Variants in GRIN2A observed in about 807,000 individuals in gnomAD.
GRIN2A encodes the protein glutamate receptor ionotropic, NMDA 2A.
In GRIN2A, 22 loss-of-function variants were observed where a neutral mutation model predicts 113.4. The observed-to-expected ratio is 0.19, with a 90% CI of 0.14 to 0.28. The LOEUF (loss-of-function observed/expected upper bound fraction) is 0.28. Among genes scored for constraint, GRIN2A ranks in the 10% least tolerant of loss-of-function variants. The pLI is 1.00. For missense variants in GRIN2A, 1,502 were observed against 1,887.0 expected (o/e 0.80, Z 3.78); for synonymous variants, 827 against 738.4 (o/e 1.12, Z -1.94).
chr16:10,146,072 G>A (rs766526593), intron 2 of GRIN2A, among the ~76,000 whole-genome samples: 34 of 152,176 alleles, frequency 2.2e-4, no homozygotes, highest in Non-Finnish European at 4.3e-4. Flanking sequence ...ATAAAAGGAA[G>A]ACAGGAACAA....
intron 9 of GRIN2A, among the ~76,000 whole-genome samples, chr16:9,827,527 T>C (rs1452170206): frequency 6.6e-6 from 1 of 152,234 alleles, no homozygotes; most frequent in Non-Finnish European, 1.5e-5. Context: ...CTTAAAGTTT[T>C]TCCTGCTTCG....
At chr16:10,112,569 G>A (rs34819762) in intron 2 of GRIN2A, 203,310 of 772,268 alleles carry the variant, frequency 0.26, 28,095 homozygotes, top group East Asian at 0.39. Flanking sequence ...GAGGCCCAGC[G>A]GCGAGTACTT....
Position 9,938,296 on chromosome 16 carries a change from A to G in GRIN2A, c.670T>C (p.Ser224Pro). 1 of 1,614,056 alleles carries G rather than the reference A, an allele frequency of 6.2e-7. No homozygotes were observed. Among genetic ancestry groups the G allele is most frequent in the South Asian group, 1.1e-5 (1 of 91,080 alleles). The change falls in exon 3 of 13, where the codon TCT becomes CCT. Residue 224 changes from serine to proline, a missense_variant. Transcript: ENST00000330684. ...GAACAGTAGAGCAAGATGACAGAAG[A>G]GTGGATCTTCTTCAGCTGGACTTGT... ...KTQVQLKKIH[S>P]SVILLYCSKD...
At chr16:10,163,496 C>T (rs1352248114) in intron 2 of GRIN2A, among the ~76,000 whole-genome samples, 1 of 151,984 alleles carries the variant, frequency 6.6e-6, no homozygotes. Context: ...CGTGAGATCT[C>T]GCTGATATCC....
chr16:10,137,115 C>A (rs1442717189), intron 2 of GRIN2A, among the ~76,000 whole-genome samples: 1 of 152,170 alleles, frequency 6.6e-6, no homozygotes. Context: ...ACTCCCCCTG[C>A]AGGTGGGCTA....
Position 9,822,159 on chromosome 16 carries a change from C to T in GRIN2A, c.2168+105G>A, listed in dbSNP as rs561563490. ...GCCCATCTGGACCACAGTCACTCTC[C>T]AGAAATACAATGGGAGCAGATAGGA... On this transcript the variant is annotated intron_variant, in intron 10 of 12. Coordinates refer to ENST00000330684, the MANE Select transcript of GRIN2A (RefSeq NM_001134407.3). The T allele has an allele frequency of 1.1e-5, 13 of 1,218,420 alleles. No homozygotes were observed. The Admixed American group carries it at 1.5e-4, about 14-fold the overall frequency. The allele number at this position is 1,218,420 out of a possible 1,614,324, so 75.5% of individuals were successfully genotyped here. A position where few individuals can be genotyped will look rare whatever the true frequency, so the allele number is the denominator to read the frequency against.
rs114263725 is a variant in GRIN2A, at chr16:10,010,123, T to A, written c.415-71572A>T. On this transcript the variant is annotated intron_variant, in intron 2 of 12. Coordinates refer to ENST00000330684, the MANE Select transcript of GRIN2A (RefSeq NM_001134407.3). ...CCCTAGTACTGTGCCCTCAGGCACA[T>A]AGATGAACATCTCAGTTCCTTTCTC... is the stretch of plus-strand genomic sequence containing the variant. 1.5e-3 allele frequency among the ~76,000 whole-genome samples: 228 copies of A among 152,372 alleles called. 3 individuals carry two copies. The highest frequency in any genetic ancestry group is 5.4e-3 in the African/African-American group (223 of 41,598).
At chr16:10,178,367 C>G (rs34963744) in intron 2 of GRIN2A, among the ~76,000 whole-genome samples, 23,223 of 152,150 alleles carry the variant, frequency 0.15, 2,153 homozygotes, top group African/African-American at 0.26. Context: ...GAAGATCACA[C>G]CTTGGGATCA....
intron 2 of GRIN2A, among the ~76,000 whole-genome samples, chr16:10,044,799 A>C (rs77829018): frequency 6.6e-6 from 1 of 152,028 alleles, no homozygotes; most frequent in Non-Finnish European, 1.5e-5. Context: ...CCTCTTTTAG[A>C]CTGTAAGTTA....
chr16:9,927,994 C>T (rs1020129981), intron 3 of GRIN2A, among the ~76,000 whole-genome samples: 1 of 152,156 alleles, frequency 6.6e-6, no homozygotes, highest in African/African-American at 2.4e-5. Flanking sequence ...CAATGGTACA[C>T]CAGACACCAG....
At chr16:10,122,146 C>A (rs368548146) in intron 2 of GRIN2A, among the ~76,000 whole-genome samples, 63 of 152,208 alleles carry the variant, frequency 4.1e-4, no homozygotes, top group African/African-American at 1.4e-3. Flanking sequence ...CCAGCTGCAC[C>A]CATATTCAAG....
chr16:9,983,747 G>C (rs1430738755), intron 2 of GRIN2A, among the ~76,000 whole-genome samples: 2 of 152,094 alleles, frequency 1.3e-5, no homozygotes, highest in African/African-American at 4.8e-5. Context: ...CCAAGATGTT[G>C]TTATTTTAAT....
At chr16:10,017,299 G>A (rs949485548) in intron 2 of GRIN2A, among the ~76,000 whole-genome samples, 5 of 151,938 alleles carry the variant, frequency 3.3e-5, no homozygotes, top group African/African-American at 9.7e-5. Context: ...ATCATTACAC[G>A]TTGTTAAGTG....
In GRIN2A at chr16:9,810,239, C is replaced by T. The variant is rs1438367207; in HGVS notation, c.2169-11775G>A. 2.0e-5 allele frequency among the ~76,000 whole-genome samples: 3 copies of T among 152,128 alleles called. No individual in the cohort carries two copies. In the East Asian group the frequency reaches 5.8e-4, roughly 29 times the overall value. ...GTGTGCTGTGCATTCCTGTGGAATA[C>T]ACCACCACTCCCCACAGCACACCCA... is the stretch of plus-strand genomic sequence containing the variant. On this transcript the variant is annotated intron_variant, in intron 10 of 12. Coordinates refer to ENST00000330684, the MANE Select transcript of GRIN2A (RefSeq NM_001134407.3).
At position 9,977,754 on chromosome 16, in the gene GRIN2A, CACAT is replaced by C. The variant is rs201316327; in HGVS notation, c.415-39207_415-39204del. On this transcript the variant is annotated intron_variant, in intron 2 of 12. Transcript: ENST00000330684. ...GCATGTACTCACATGTGCACACACA[CACAT>C]ACACACACACTTCAATTCGGTCGGC... Among the ~76,000 whole-genome samples, 167 of 152,314 alleles carry C rather than the reference CACAT, an allele frequency of 1.1e-3. No individual in the cohort carries two copies. The East Asian group carries it at 0.024, about 22-fold the overall frequency.
At chr16:9,866,336 A>C (rs905720208) in intron 4 of GRIN2A, among the ~76,000 whole-genome samples, 1 of 152,208 alleles carries the variant, frequency 6.6e-6, no homozygotes, top group African/African-American at 2.4e-5. Flanking sequence ...AGTGGAAAGA[A>C]GGGATGTGTA....
In GRIN2A at chr16:9,763,001, G is replaced by C; in HGVS notation, c.*148C>G. 1.3e-6 allele frequency: 1 copy of C among 757,570 alleles called. No homozygotes were observed. The highest frequency in any genetic ancestry group is 2.2e-6 in the Non-Finnish European group (1 of 459,374). 46.9% of individuals were successfully genotyped at this position (757,570 alleles called of 1,614,324 possible). On this transcript the variant is annotated 3_prime_UTR_variant, in exon 13 of 13. Transcript: ENST00000330684. ...GTGGAAGATTATGGCATGAAGCCGTGTGCAAAAGAGCCAACAACAACAACA... is the reference window on the plus strand; with the variant it reads ...GTGGAAGATTATGGCATGAAGCCGTCTGCAAAAGAGCCAACAACAACAACA...
chr16:9,977,304 G>T (rs566873035), intron 2 of GRIN2A, among the ~76,000 whole-genome samples: 25 of 149,660 alleles, frequency 1.7e-4, no homozygotes, highest in Admixed American at 8.6e-4. Flanking sequence ...AGGGAGGAAG[G>T]GGGGAGGGAG....
rs149898411 is a variant in GRIN2A at position 10,022,005 on chromosome 16, T to C, written c.415-83454A>G. 1.5e-4 allele frequency among the ~76,000 whole-genome samples: 23 copies of C among 152,260 alleles called. 1 individual carries two copies. In the East Asian group the frequency reaches 4.5e-3, roughly 29 times the overall value. ...AGTAATGGTCATAATACCTATCTCA[T>C]AATACCTCATACAGAACACCTTGCT... On this transcript the variant is annotated intron_variant, in intron 2 of 12. Transcript: ENST00000330684.
Sources: gnomAD v4.1 joint callset for allele counts (sites outside exome capture counted in the v4.1 genomes callset) on GRCh38, gnomAD v4.1.1 for gene constraint, MANE v1.5 for transcripts, NCBI Gene and HGNC (gene_info 2026-07-23, HGNC 2026-07-21) for gene names.